Variants in SLC44A5 observed in about 807,000 individuals in gnomAD.
The protein encoded by SLC44A5 is solute carrier family 44 member 5.
A neutral mutation model predicts 101.8 loss-of-function variants in SLC44A5; 57 were observed. That is an observed-to-expected ratio of 0.56 (90% confidence interval 0.45 to 0.70). The LOEUF (loss-of-function observed/expected upper bound fraction) is 0.70, where lower values mean the gene tolerates loss of function less well. Ranked by LOEUF, SLC44A5 falls within the 30% of genes least tolerant of loss-of-function variation. SLC44A5 has a pLI of 0.00. For synonymous variants in SLC44A5, 281 were observed against 290.9 expected (o/e 0.97, Z 0.35); for missense variants, 737 against 853.1 (o/e 0.86, Z 1.70).
chr1:75,262,198 C>T (rs1650575427), intron 6 of SLC44A5, among the ~76,000 whole-genome samples: 1 of 152,198 alleles, frequency 6.6e-6, no homozygotes, highest in Non-Finnish European at 1.5e-5. Context: ...GTCAAATTGT[C>T]TCTGTTTGCA....
In SLC44A5 at chr1:75,203,772, C is replaced by CA; in HGVS notation, c.2108dup (p.Leu703PhefsTer13). 6.5e-7 allele frequency: 1 copy of CA among 1,550,064 alleles called. No homozygotes were observed. Among genetic ancestry groups the CA allele is most frequent in the Non-Finnish European group, 8.7e-7 (1 of 1,146,204 alleles). ...GATTTTCCTCCTGGAAAATCTTCAGCAAAGGTTGACTCACATAATAAGGTC... is the reference window on the plus strand; with the variant it reads ...GATTTTCCTCCTGGAAAATCTTCAGCAAAAGGTTGACTCACATAATAAGGTC... On this transcript the variant is annotated frameshift_variant, in exon 24 of 24. Coordinates refer to ENST00000370859, the MANE Select transcript of SLC44A5 (RefSeq NM_001130058.2). LOFTEE classifies it low-confidence loss of function (END_TRUNC).
chr1:75,615,980 C>G, upstream of SLC44A5: 1 of 742,250 alleles, frequency 1.3e-6, no homozygotes, highest in Non-Finnish European at 1.6e-6. Flanking sequence ...CTCAGCTCAG[C>G]GAGCTCTTTG....
At chr1:75,628,053 C>A in the SLC44A5 span, among the ~76,000 whole-genome samples, 8 of 151,592 alleles carry the variant, frequency 5.3e-5, no homozygotes, top group Non-Finnish European at 8.8e-5. Flanking sequence ...GCCTTGCCTT[C>A]TAACCCACAG....
chr1:75,641,498 T>A, the SLC44A5 span: 4 of 1,459,190 alleles, frequency 2.7e-6, no homozygotes, highest in Non-Finnish European at 3.8e-6. Flanking sequence ...GTAATAAATG[T>A]AAACATTGTG....
At chr1:75,482,847 G>C (rs2101783533) in intron 2 of SLC44A5, among the ~76,000 whole-genome samples, 1 of 152,182 alleles carries the variant, frequency 6.6e-6, no homozygotes, top group Non-Finnish European at 1.5e-5. Flanking sequence ...TTTTCTTCCT[G>C]TATTACTTGA....
the SLC44A5 span, among the ~76,000 whole-genome samples, chr1:75,649,283 C>G: frequency 1.3e-5 from 2 of 152,138 alleles, no homozygotes; most frequent in Admixed American, 1.3e-4. Context: ...GGTGTACTGG[C>G]TACTTGAATA....
chr1:75,574,084 G>A (rs1279280603), intron 1 of SLC44A5, among the ~76,000 whole-genome samples: 1 of 152,110 alleles, frequency 6.6e-6, no homozygotes, highest in Non-Finnish European at 1.5e-5. Context: ...AAAAAGTGAA[G>A]AAAGCAAAAT....
intron 2 of SLC44A5, among the ~76,000 whole-genome samples, chr1:75,449,307 C>T (rs1043653065): frequency 1.3e-5 from 2 of 152,182 alleles, no homozygotes; most frequent in Admixed American, 1.3e-4. Context: ...CTCCTTCCAG[C>T]TTTAGACATT....
intron 2 of SLC44A5, among the ~76,000 whole-genome samples, chr1:75,405,555 C>T (rs1051487058): frequency 6.6e-6 from 1 of 152,170 alleles, no homozygotes; most frequent in African/African-American, 2.4e-5. Flanking sequence ...AAGAAACTCA[C>T]TCAAAACCAT....
chr1:75,536,814 G>A lies in SLC44A5; in HGVS notation c.13+4621C>T, dbSNP rs1379922962. Reference sequence around the variant, plus strand: ...GAGGTCAGGAGATCGAGACCATCCCGGCTAAAACGGTGAAACCCCGTCTCT... The same window carrying A: ...GAGGTCAGGAGATCGAGACCATCCCAGCTAAAACGGTGAAACCCCGTCTCT... On this transcript the variant is annotated intron_variant, in intron 2 of 23. Coordinates refer to ENST00000370859, the MANE Select transcript of SLC44A5 (RefSeq NM_001130058.2). Among the ~76,000 whole-genome samples the A allele has an allele frequency of 7.9e-4, 114 of 143,494 alleles. 1 individual carries two copies. The highest frequency in any genetic ancestry group is 1.3e-3 in the Non-Finnish European group (88 of 65,436). The allele number at this position is 143,494 out of a possible 152,430, so 94.1% of individuals were successfully genotyped here. A position where few individuals can be genotyped will look rare whatever the true frequency, so the allele number is the denominator to read the frequency against.
At chr1:75,479,760 T>C (rs1294989630) in intron 2 of SLC44A5, among the ~76,000 whole-genome samples, 1 of 152,170 alleles carries the variant, frequency 6.6e-6, no homozygotes, top group Non-Finnish European at 1.5e-5. Context: ...CAATAATCAA[T>C]AGCTTACCAA....
intron 1 of SLC44A5, among the ~76,000 whole-genome samples, chr1:75,602,293 C>T (rs1432057667): frequency 6.6e-6 from 1 of 152,100 alleles, no homozygotes; most frequent in Non-Finnish European, 1.5e-5. Context: ...TAGAATTAGT[C>T]AAGTGAAGGC....
intron 7 of SLC44A5, among the ~76,000 whole-genome samples, chr1:75,249,763 A>T (rs1010127598): frequency 2.0e-5 from 3 of 152,186 alleles, no homozygotes; most frequent in African/African-American, 7.2e-5. Flanking sequence ...AGTTAAAAAC[A>T]GTACTACATG....
At chr1:75,614,956 C>T (rs1453434052), upstream of SLC44A5, among the ~76,000 whole-genome samples, 1 of 152,010 alleles carries the variant, frequency 6.6e-6, no homozygotes, top group African/African-American at 2.4e-5. Context: ...GTCCGCGCTG[C>T]GGGAGCGGGT....
the SLC44A5 span, among the ~76,000 whole-genome samples, chr1:75,707,082 C>T: frequency 6.6e-6 from 1 of 152,080 alleles, no homozygotes; most frequent in African/African-American, 2.4e-5. Context: ...GATATGGTAA[C>T]AGAAAATTGA....
At chr1:75,681,607 T>A in the SLC44A5 span, among the ~76,000 whole-genome samples, 4 of 150,862 alleles carry the variant, frequency 2.7e-5, no homozygotes, top group African/African-American at 9.7e-5. Flanking sequence ...GGGACATATT[T>A]CAAAATAATA....
At chr1:75,306,114 A>T (rs1440139729) in intron 4 of SLC44A5, among the ~76,000 whole-genome samples, 1 of 152,240 alleles carries the variant, frequency 6.6e-6, no homozygotes, top group African/African-American at 2.4e-5. Flanking sequence ...TTCATAAGTA[A>T]AGATTTTTGG....
chr1:75,693,759 G>C, the SLC44A5 span, among the ~76,000 whole-genome samples: 1 of 152,156 alleles, frequency 6.6e-6, no homozygotes, highest in East Asian at 1.9e-4. Flanking sequence ...ATCTAAGGAA[G>C]TGGGATATCC....
At position 75,214,625 on chromosome 1, in the gene SLC44A5, C is replaced by T. The variant is rs750897596; in HGVS notation, c.1782G>A (p.Leu594=). 19 of 1,611,616 alleles carry T rather than the reference C, an allele frequency of 1.2e-5. No homozygotes were observed. Among genetic ancestry groups the T allele is most frequent in the Non-Finnish European group, 1.6e-5 (19 of 1,178,736 alleles). ...CTTACTTCAAAACATTTCTCATCAG[C>T]AGATTGAAAGCATCTTTTGCTGACC... The part of the protein sequence containing the change: ...FCRSAKDAFN[L]LMRNVLKVAV... Residue 594 remains leucine (L), a synonymous_variant, in exon 20 of 24, where the codon CTG becomes CTA. Transcript: ENST00000370859.
Sources: gnomAD v4.1 joint callset for allele counts (sites outside exome capture counted in the v4.1 genomes callset) on GRCh38, gnomAD v4.1.1 for gene constraint, MANE v1.5 for transcripts, NCBI Gene and HGNC (gene_info 2026-07-23, HGNC 2026-07-21) for gene names.